LRRC66: variants seen among roughly 807,000 people sequenced by gnomAD.
LRRC66 encodes leucine-rich repeat-containing protein 66.
Under a neutral mutation model 24.6 loss-of-function variants are expected in LRRC66, and 29 were observed. The observed-to-expected ratio is 1.18, with a 90% confidence interval of 0.88 to 1.61. The LOEUF (loss-of-function observed/expected upper bound fraction) is 1.61, where lower values mean the gene tolerates loss of function less well. Ranked by LOEUF, LRRC66 falls within the 40% of genes most tolerant of loss-of-function variation. The pLI is 0.00. For synonymous variants in LRRC66, 411 were observed against 397.6 expected, an observed-to-expected ratio of 1.03 and a Z score of -0.40; for missense variants, 1,124 against 1,058.0, an observed-to-expected ratio of 1.06 and a Z score of -0.87.
intron 1 of LRRC66, among the ~76,000 whole-genome samples, chr4:52,018,912 T>G (rs908491732): frequency 2.6e-5 from 4 of 152,142 alleles, no homozygotes; most frequent in African/African-American, 9.7e-5. Flanking sequence ...GTTTCGCTCT[T>G]GTTACCCAGG....
At chr4:52,011,850 A>T (rs116719580) in intron 2 of LRRC66, among the ~76,000 whole-genome samples, 1,700 of 152,326 alleles carry the variant, frequency 0.011, 41 homozygotes, top group African/African-American at 0.039. Context: ...TTTAAGGTCA[A>T]CAAACAAGTA....
intron 3 of LRRC66, among the ~76,000 whole-genome samples, chr4:51,999,181 A>G (rs571586026): frequency 6.6e-6 from 1 of 152,336 alleles, no homozygotes; most frequent in South Asian, 2.1e-4. Flanking sequence ...GAAAATCATA[A>G]AGATGAAAAT....
Position 51,995,419 on chromosome 4 carries a change from C to T in LRRC66, c.1603G>A (p.Gly535Arg). 2 of 1,614,148 alleles carry T rather than the reference C, an allele frequency of 1.2e-6. No individual in the cohort carries two copies. Residue 535 changes from glycine to arginine, a missense_variant, in exon 5 of 5, where the codon GGA becomes AGA. By Grantham distance (125) the Gly-to-Arg change is moderately radical. Coordinates refer to ENST00000682860, the MANE Select transcript of LRRC66 (RefSeq NM_001024611.3). ...QDHIHRNDIL[G>R]EWTYETVAQE... is the part of the protein sequence containing the mutation. Reference sequence around the variant, plus strand: ...GCCACAGTTTCATAAGTCCATTCTCCGAGAATATCATTCCTATGGATGTGG... The same window carrying T: ...GCCACAGTTTCATAAGTCCATTCTCTGAGAATATCATTCCTATGGATGTGG...
rs1736833769 is a variant in LRRC66, at chr4:52,017,211, A to G, written c.403T>C (p.Trp135Arg). 6.2e-7 allele frequency: 1 copy of G among 1,614,184 alleles called. No homozygotes were observed. Among genetic ancestry groups the G allele is most frequent in the South Asian group, 1.1e-5 (1 of 91,084 alleles). The change falls in exon 2 of 5, where the codon TGG becomes CGG. Residue 135 changes from tryptophan (W) to arginine (R), a missense_variant. Trp to Arg is a moderately radical substitution (Grantham distance 101). Transcript: ENST00000682860. ...SLDLLSPKSS[W>R]VKRHRSSFRN... ...AAGCTGCTTCTGTGGCGTTTCACCC[A>G]TGAGGACTTAGGACTGAGTAGATCC... is the stretch of plus-strand genomic sequence containing the variant.
At chr4:51,998,212 T>A (rs1168940690) in intron 3 of LRRC66, among the ~76,000 whole-genome samples, 1 of 152,212 alleles carries the variant, frequency 6.6e-6, no homozygotes, top group African/African-American at 2.4e-5. Flanking sequence ...ATGCCTATAT[T>A]TGATGCCTAA....
At chr4:52,019,522 G>A (rs1313761023) in intron 1 of LRRC66, among the ~76,000 whole-genome samples, 1 of 152,082 alleles carries the variant, frequency 6.6e-6, no homozygotes, top group Non-Finnish European at 1.5e-5. Flanking sequence ...TTCATACAAG[G>A]TCAATCCTCC....
chr4:52,017,798 C>T, intron 1 of LRRC66, 180 bp from the exon 2 acceptor site: 1 of 985,270 alleles, frequency 1.0e-6, no homozygotes, highest in Non-Finnish European at 1.2e-6. Flanking sequence ...ATGAAATAGC[C>T]ATAGTATAAA....
Position 52,017,163 on chromosome 4 carries a change from T to C in LRRC66, c.451A>G (p.Lys151Glu). The C allele has an allele frequency of 6.2e-7, 1 of 1,614,068 alleles. No homozygotes were observed. The highest frequency in any genetic ancestry group is 8.5e-7 in the Non-Finnish European group (1 of 1,179,978). The change falls in exon 2 of 5, where the codon AAG becomes GAG. Residue 151 changes from lysine to glutamate, a missense_variant. Transcript: ENST00000682860. ...SSFRNRFPLL[K>E]VLILQRNKLS... ...TTATTTCTTTGAAGAATGAGCACCTTCAGCAATGGAAACCTGTTTCTGAAG... is the reference window on the plus strand; with the variant it reads ...TTATTTCTTTGAAGAATGAGCACCTCCAGCAATGGAAACCTGTTTCTGAAG...
chr4:51,994,416 G>A lies in LRRC66; in HGVS notation c.2606C>T (p.Ala869Val). 6.2e-7 allele frequency: 1 copy of A among 1,613,856 alleles called. No individual in the cohort carries two copies. Among genetic ancestry groups the A allele is most frequent in the Non-Finnish European group, 8.5e-7 (1 of 1,179,924 alleles). The stretch of plus-strand genomic sequence containing the variant: ...GTCTGAGTCTCTTTCATGGAAGGCA[G>A]CCTTATCAGGATCTGAGGGAACTTC... ...SAEVPSDPDK[A>V]AFHERDSDIL... The change falls in exon 5 of 5, where the codon GCT becomes GTT. Residue 869 changes from alanine to valine, a missense_variant. By Grantham distance (64) the Ala-to-Val change is moderately conservative. Coordinates refer to ENST00000682860, the MANE Select transcript of LRRC66 (RefSeq NM_001024611.3).
Position 51,995,569 on chromosome 4 carries a change from A to G in LRRC66, c.1453T>C (p.Ser485Pro), listed in dbSNP as rs1736284002. The G allele has an allele frequency of 6.2e-7, 1 of 1,614,104 alleles. No homozygotes were observed. The highest frequency in any genetic ancestry group is 1.1e-5 in the South Asian group (1 of 91,068). Residue 485 changes from serine to proline, a missense_variant, in exon 5 of 5, where the codon TCG becomes CCG. Transcript: ENST00000682860. Reference protein sequence around the residue: ...LGRSRKDPGSSQSPGQCGDNT... With the variant: ...LGRSRKDPGSPQSPGQCGDNT... ...TCCCCGCACTGTCCTGGGCTCTGCG[A>G]ACTGCCAGGATCCTTTCTGCTCCTT... is the stretch of plus-strand genomic sequence containing the variant.
intron 3 of LRRC66, among the ~76,000 whole-genome samples, chr4:52,000,222 A>T (rs1287537374): frequency 6.6e-6 from 1 of 152,212 alleles, no homozygotes; most frequent in Non-Finnish European, 1.5e-5. Context: ...AAACATTCTC[A>T]AGGTTGATTT....
intron 2 of LRRC66, among the ~76,000 whole-genome samples, chr4:52,009,970 T>TA (rs774337837): frequency 6.6e-6 from 1 of 152,052 alleles, no homozygotes; most frequent in Non-Finnish European, 1.5e-5. Context: ...CCAAAATATA[T>TA]AAAAAAGACA....
intron 2 of LRRC66, among the ~76,000 whole-genome samples, chr4:52,007,649 T>C (rs553619206): frequency 6.6e-6 from 1 of 152,356 alleles, no homozygotes; most frequent in South Asian, 2.1e-4. Flanking sequence ...TTAGTTTGGA[T>C]GATTGTTCAT....
chr4:52,017,431 T>C lies in LRRC66; in HGVS notation c.183A>G (p.Thr61=). The C allele has an allele frequency of 6.2e-7, 1 of 1,614,156 alleles. No individual in the cohort carries two copies. Among genetic ancestry groups the C allele is most frequent in the Non-Finnish European group, 8.5e-7 (1 of 1,180,000 alleles). Residue 61 remains threonine, a synonymous_variant, in exon 2 of 5, where the codon ACA becomes ACG. Coordinates refer to ENST00000682860, the MANE Select transcript of LRRC66 (RefSeq NM_001024611.3). ...KCDIPVDISQ[T]AATVDVSFNF... is the part of the protein sequence containing the mutation. ...TGAAACTTACATCCACAGTGGCTGC[T>C]GTCTGTGATATGTCCACAGGTATAT...
intron 2 of LRRC66, among the ~76,000 whole-genome samples, chr4:52,004,301 C>A (rs1736526573): frequency 6.6e-6 from 1 of 152,224 alleles, no homozygotes; most frequent in Admixed American, 6.5e-5. Context: ...AGCCGCCACA[C>A]CCGGTTGTCT....
intron 2 of LRRC66, among the ~76,000 whole-genome samples, chr4:52,007,635 T>C (rs2110199316): frequency 6.6e-6 from 1 of 152,334 alleles, no homozygotes; most frequent in Non-Finnish European, 1.5e-5. Flanking sequence ...GGAAGCCAGG[T>C]CCATTAGTTT....
At chr4:52,005,324 C>T (rs1736550010) in intron 2 of LRRC66, among the ~76,000 whole-genome samples, 1 of 152,078 alleles carries the variant, frequency 6.6e-6, no homozygotes, top group Admixed American at 6.6e-5. Context: ...TTTCTTTGTA[C>T]TCATGTCTCT....
chr4:52,016,447 G>C (rs1213094268), intron 2 of LRRC66, among the ~76,000 whole-genome samples: 1 of 152,142 alleles, frequency 6.6e-6, no homozygotes, highest in African/African-American at 2.4e-5. Context: ...AAGGGCAAAG[G>C]AAGTTTTGCT....
Position 51,995,824 on chromosome 4 carries a change from A to G in LRRC66, c.1198T>C (p.Tyr400His). ...AFSLGAFTRP[Y>H]VDRLWQKKCQ... is the part of the protein sequence containing the mutation. ...TTTTTTTGCCACAGTCTGTCAACAT[A>G]AGGCCTTGTGAAAGCCCCCAGGCTG... is the stretch of plus-strand genomic sequence containing the variant. The change falls in exon 5 of 5, where the codon TAT becomes CAT. Residue 400 changes from tyrosine to histidine, a missense_variant. By Grantham distance (83) the Tyr-to-His change is moderately conservative. Coordinates refer to ENST00000682860, the MANE Select transcript of LRRC66 (RefSeq NM_001024611.3). The G allele has an allele frequency of 6.2e-7, 1 of 1,614,082 alleles. No individual in the cohort carries two copies. Among genetic ancestry groups the G allele is most frequent in the Non-Finnish European group, 8.5e-7 (1 of 1,180,016 alleles).
Sources: allele counts gnomAD v4.1 joint callset (sites outside exome capture counted in the v4.1 genomes callset), GRCh38; gene constraint gnomAD v4.1.1; transcripts MANE v1.5; gene names NCBI Gene and HGNC (gene_info 2026-07-23, HGNC 2026-07-21).